Variants in NELL2 observed in about 807,000 individuals in gnomAD.
NELL2 encodes neural EGFL like 2, also known as protein kinase C-binding protein NELL2.
A neutral mutation model predicts 109.6 loss-of-function variants in NELL2; 41 were observed. The ratio of observed to expected loss-of-function variants is 0.37; its 90% CI spans 0.29 to 0.49. The LOEUF (loss-of-function observed/expected upper bound fraction) is 0.49, where lower values mean the gene tolerates loss of function less well. Ranked by LOEUF, NELL2 falls within the 20% of genes least tolerant of loss-of-function variation. NELL2 has a pLI of 0.98. For missense variants in NELL2, 900 were observed against 1,008.3 expected (o/e 0.89, Z 1.45); for synonymous variants, 355 against 344.7 (o/e 1.03, Z -0.33).
At chr12:44,741,448 C>T (rs141609806) in intron 9 of NELL2, among the ~76,000 whole-genome samples, 8,145 of 152,184 alleles carry the variant, frequency 0.054, 686 homozygotes, top group African/African-American at 0.18. Context: ...GAGTGCCAGA[C>T]AGTGGGTGCA....
Position 44,522,018 on chromosome 12 carries a change from A to G in NELL2, c.2157T>C (p.Cys719=). 1 of 1,613,704 alleles carries G rather than the reference A, an allele frequency of 6.2e-7. No homozygotes were observed. Among genetic ancestry groups the G allele is most frequent in the Non-Finnish European group, 8.5e-7 (1 of 1,179,928 alleles). Residue 719 remains cysteine, a synonymous_variant, in exon 18 of 20, where the codon TGT becomes TGC. Transcript: ENST00000429094. ...AATTTACCAAGCAGCGGCACTGTTG[A>G]CAATTCTGGACCCAGGTGTCACCAC... ...YNSGDTWVQN[C]QQCRCLQGEV...
At chr12:44,878,353 T>C (rs1056416509), upstream of NELL2, among the ~76,000 whole-genome samples, 2 of 152,086 alleles carry the variant, frequency 1.3e-5, no homozygotes, top group African/African-American at 4.8e-5. Flanking sequence ...GTGTGAAGAG[T>C]TGTTTCTCTA....
chr12:44,840,844 G>T (rs1944205488), intron 2 of NELL2, among the ~76,000 whole-genome samples: 1 of 152,114 alleles, frequency 6.6e-6, no homozygotes, highest in South Asian at 2.1e-4. Flanking sequence ...TCCTAAGGTA[G>T]AAATAGGTCA....
intron 7 of NELL2, 124 bp downstream of exon 7, chr12:44,776,918 C>G: frequency 1.3e-6 from 1 of 749,756 alleles, no homozygotes; most frequent in Non-Finnish European, 2.2e-6. Flanking sequence ...GATTTAGATT[C>G]AGTCCTAGCA....
chr12:44,605,881 T>C (rs1945383285), intron 15 of NELL2, among the ~76,000 whole-genome samples: 1 of 152,082 alleles, frequency 6.6e-6, no homozygotes, highest in South Asian at 2.1e-4. Flanking sequence ...GAGCATGCCA[T>C]AGAAACATGA....
intron 1 of NELL2, among the ~76,000 whole-genome samples, chr12:44,900,338 C>G (rs151244925): frequency 2.0e-5 from 3 of 152,072 alleles, no homozygotes; most frequent in African/African-American, 7.2e-5. Flanking sequence ...CACACTTATT[C>G]TAAAATTGAC....
chr12:44,520,215 A>G lies in NELL2; in HGVS notation c.2190T>C (p.Asp730=), dbSNP rs370925454. The G allele has an allele frequency of 3.1e-6, 5 of 1,611,424 alleles. No homozygotes were observed. The highest frequency in any genetic ancestry group is 1.3e-5 in the African/African-American group (1 of 74,844). ...CATCTGGGCAAGGCAGGGGCCAACAATCAACTTCCCCTTGCTACAAGGAAA... is the reference window on the plus strand; with the variant it reads ...CATCTGGGCAAGGCAGGGGCCAACAGTCAACTTCCCCTTGCTACAAGGAAA... ...QQCRCLQGEV[D]CWPLPCPDVE... The change falls in exon 19 of 20, where the codon GAT becomes GAC. Residue 730 remains aspartate, a synonymous_variant. Transcript: ENST00000429094.
At chr12:44,629,993 T>C (rs1204583710) in intron 13 of NELL2, among the ~76,000 whole-genome samples, 1 of 152,212 alleles carries the variant, frequency 6.6e-6, no homozygotes, top group Admixed American at 6.5e-5. Context: ...TACTTTGTCC[T>C]CTATTACTAA....
chr12:44,620,073 G>A (rs560332273), intron 13 of NELL2, among the ~76,000 whole-genome samples: 2 of 151,670 alleles, frequency 1.3e-5, no homozygotes, highest in East Asian at 1.9e-4. Context: ...AGATATAAGA[G>A]AGCCTCTTAC....
chr12:44,514,333 T>C (rs1178676718), intron 19 of NELL2, among the ~76,000 whole-genome samples: 2 of 151,858 alleles, frequency 1.3e-5, no homozygotes, highest in Admixed American at 6.6e-5. Flanking sequence ...AAATGAAGAG[T>C]ACCAGAAATG....
chr12:44,853,250 T>C (rs1944583377), intron 2 of NELL2, among the ~76,000 whole-genome samples: 1 of 152,166 alleles, frequency 6.6e-6, no homozygotes, highest in African/African-American at 2.4e-5. Context: ...TTCAGAAAGA[T>C]TTCAGTGAAG....
intron 9 of NELL2, among the ~76,000 whole-genome samples, chr12:44,734,994 T>A (rs1028448297): frequency 5.3e-5 from 8 of 152,230 alleles, no homozygotes; most frequent in African/African-American, 1.9e-4. Flanking sequence ...TCCCTTCTGG[T>A]TTCAACTGTT....
chr12:44,660,862 T>G (rs1042307487), intron 13 of NELL2, among the ~76,000 whole-genome samples: 9 of 152,164 alleles, frequency 5.9e-5, no homozygotes, highest in African/African-American at 2.2e-4. Flanking sequence ...TAGACAGGCA[T>G]GAGTGGGGCA....
At chr12:44,579,117 A>C (rs1052640052) in intron 15 of NELL2, among the ~76,000 whole-genome samples, 1 of 152,212 alleles carries the variant, frequency 6.6e-6, no homozygotes, top group African/African-American at 2.4e-5. Flanking sequence ...GTGCTGGATC[A>C]AAGTTACTTC....
At chr12:44,917,608 TC>T (rs1260739465), upstream of NELL2, among the ~76,000 whole-genome samples, 1 of 152,176 alleles carries the variant, frequency 6.6e-6, no homozygotes, top group Non-Finnish European at 1.5e-5. Context: ...GTGACTTGCT[TC>T]TAATCGATAG....
At chr12:44,883,969 G>A (rs369822004) in intron 1 of NELL2, among the ~76,000 whole-genome samples, 1 of 151,776 alleles carries the variant, frequency 6.6e-6, no homozygotes, top group Non-Finnish European at 1.5e-5. Flanking sequence ...AAATCCAAAC[G>A]AGTCAATAAT....
intron 2 of NELL2, among the ~76,000 whole-genome samples, chr12:44,838,674 T>C (rs1341398536): frequency 3.4e-5 from 5 of 147,058 alleles, no homozygotes; most frequent in African/African-American, 1.3e-4. Flanking sequence ...TGATAATTTG[T>C]ATTCAAATTG....
At chr12:44,603,713 A>G (rs927482126) in intron 15 of NELL2, among the ~76,000 whole-genome samples, 1 of 152,160 alleles carries the variant, frequency 6.6e-6, no homozygotes, top group Non-Finnish European at 1.5e-5. Context: ...AATCATACAC[A>G]TCGCCCTTTT....
At chr12:44,520,274 G>A (rs749181160) in intron 18 of NELL2, 45 bp from the exon 19 acceptor site, 1 of 1,484,748 alleles carries the variant, frequency 6.7e-7, no homozygotes, top group East Asian at 2.4e-5. Flanking sequence ...GAGGGAGGAG[G>A]AAATGGAGGG....
Sources: gnomAD v4.1 joint callset for allele counts (sites outside exome capture counted in the v4.1 genomes callset) on GRCh38, gnomAD v4.1.1 for gene constraint, MANE v1.5 for transcripts, NCBI Gene and HGNC (gene_info 2026-07-23, HGNC 2026-07-21) for gene names.